ODF2L: variants seen among roughly 807,000 people sequenced by gnomAD.
ODF2L encodes outer dense fiber of sperm tails 2 like.
In ODF2L, 76 loss-of-function variants were observed where a neutral mutation model predicts 86.3. That is an observed-to-expected ratio of 0.88 (90% CI 0.73 to 1.07). The LOEUF (loss-of-function observed/expected upper bound fraction) is 1.07. Ranked by LOEUF, ODF2L falls within the 50% of genes least tolerant of loss-of-function variation. The pLI is 0.00. For synonymous variants in ODF2L, 241 were observed against 231.3 expected (o/e 1.04, Z -0.38); for missense variants, 748 against 717.4 (o/e 1.04, Z -0.49).
chr1:86,355,413 T>C (rs746392955), intron 14 of ODF2L: 25 of 1,427,322 alleles, frequency 1.8e-5, no homozygotes, highest in Admixed American at 1.6e-4. Flanking sequence ...AAGCTTTGAT[T>C]CAAGGAAAAA....
intron 1 of ODF2L, among the ~76,000 whole-genome samples, chr1:86,388,117 G>T (rs1661070311): frequency 6.6e-6 from 1 of 152,052 alleles, no homozygotes; most frequent in Non-Finnish European, 1.5e-5. Context: ...TTAAATACCA[G>T]AAAGTGAAGT....
At chr1:86,368,491 A>C in intron 11 of ODF2L, 1 of 619,594 alleles carries the variant, frequency 1.6e-6, no homozygotes, top group Non-Finnish European at 2.4e-6. Flanking sequence ...AGAAATTTAA[A>C]ACTAGCTCCT....
intron 1 of ODF2L, among the ~76,000 whole-genome samples, chr1:86,391,435 G>A (rs1477732167): frequency 6.6e-6 from 1 of 152,102 alleles, no homozygotes; most frequent in East Asian, 1.9e-4. Context: ...ATACTATAAG[G>A]CCACAGTCAC....
chr1:86,352,833 A>G (rs1052657412), intron 17 of ODF2L, 26 bp downstream of exon 16: 2 of 1,366,544 alleles, frequency 1.5e-6, no homozygotes, highest in African/African-American at 3.0e-5. Flanking sequence ...ATCTTTTATA[A>G]TATGTTAAGC....
At chr1:86,382,661 C>T (rs931743935) in intron 6 of ODF2L, among the ~76,000 whole-genome samples, 5 of 151,798 alleles carry the variant, frequency 3.3e-5, no homozygotes, top group Non-Finnish European at 1.5e-5. Flanking sequence ...TTAATTTGTT[C>T]CCCAACTGAA....
exon 18 of ODF2L, chr1:86,351,961 C>T: frequency 2.4e-6 from 3 of 1,235,332 alleles, no homozygotes; most frequent in Non-Finnish European, 3.0e-6. Context: ...CACAAAAAAA[C>T]AGCACACACA....
chr1:86,392,915 G>A (rs550099441), intron 1 of ODF2L, among the ~76,000 whole-genome samples: 1 of 152,160 alleles, frequency 6.6e-6, no homozygotes, highest in Non-Finnish European at 1.5e-5. Context: ...AGACAATTTT[G>A]CCAGTCTACT....
chr1:86,354,501 A>G (rs769589783), intron 16 of ODF2L, 29 bp downstream of exon 15: 7 of 1,472,494 alleles, frequency 4.8e-6, no homozygotes. Context: ...AAATGAATTA[A>G]AAAGTTTCTA....
chr1:86,376,673 G>A (rs551497077), intron 7 of ODF2L, among the ~76,000 whole-genome samples: 6 of 152,036 alleles, frequency 3.9e-5, no homozygotes, highest in Non-Finnish European at 1.5e-5. Flanking sequence ...TTCACATGGC[G>A]ACAGGAGACA....
At chr1:86,352,074 G>C in exon 18 of ODF2L, 1 of 1,374,558 alleles carries the variant, frequency 7.3e-7, no homozygotes, top group South Asian at 2.0e-5. Context: ...TTCTGACTAA[G>C]TTGTCATGAA....
chr1:86,364,563 C>A (rs1214785557), intron 11 of ODF2L, among the ~76,000 whole-genome samples: 1 of 152,184 alleles, frequency 6.6e-6, no homozygotes, highest in Non-Finnish European at 1.5e-5. Flanking sequence ...TCCCTAGTCT[C>A]CCTTGCAGCT....
downstream of ODF2L, chr1:86,348,065 C>T (rs1657897245): frequency 1.3e-5 from 2 of 151,974 alleles, no homozygotes; most frequent in African/African-American, 4.8e-5. Flanking sequence ...ATAATAATAT[C>T]AGATAATCAT....
chr1:86,355,357 A>G (rs1392469437), intron 14 of ODF2L: 1 of 1,539,852 alleles, frequency 6.5e-7, no homozygotes, highest in South Asian at 1.2e-5. Context: ...ATGCCAAGAC[A>G]GAATATTCTT....
At chr1:86,371,674 T>C (rs1481721980) in intron 9 of ODF2L, among the ~76,000 whole-genome samples, 1 of 152,186 alleles carries the variant, frequency 6.6e-6, no homozygotes, top group Non-Finnish European at 1.5e-5. Flanking sequence ...AATATATGTA[T>C]TTTTATTTTT....
At chr1:86,388,433 C>A (rs905530365) in intron 1 of ODF2L, among the ~76,000 whole-genome samples, 3 of 152,048 alleles carry the variant, frequency 2.0e-5, no homozygotes, top group African/African-American at 7.2e-5. Flanking sequence ...ATTTGTCTCT[C>A]TGTGGACTGG....
downstream of ODF2L, chr1:86,347,320 G>A (rs1657856060): frequency 6.6e-6 from 1 of 152,170 alleles, no homozygotes; most frequent in Non-Finnish European, 1.5e-5. Flanking sequence ...CGGCCCTTAA[G>A]GAGCTTACAG....
chr1:86,358,160 A>T, intron 13 of ODF2L: 1 of 839,442 alleles, frequency 1.2e-6, no homozygotes, highest in Non-Finnish European at 1.4e-6. Context: ...GATGGAAGCG[A>T]CCACTAACAT....
intron 11 of ODF2L, among the ~76,000 whole-genome samples, chr1:86,361,383 G>A (rs1427481541): frequency 6.6e-6 from 1 of 152,172 alleles, no homozygotes; most frequent in Admixed American, 6.5e-5. Flanking sequence ...ATTTCTTATA[G>A]CAGGCAGTGA....
At chr1:86,371,399 C>T (rs573784413) in intron 9 of ODF2L, among the ~76,000 whole-genome samples, 2 of 152,232 alleles carry the variant, frequency 1.3e-5, no homozygotes, top group African/African-American at 2.4e-5. Context: ...ATACAACATG[C>T]TCTTTGCTAT....
Sources: allele counts gnomAD v4.1 joint callset (sites outside exome capture counted in the v4.1 genomes callset), GRCh38; gene constraint gnomAD v4.1.1; transcripts MANE v1.5; gene names NCBI Gene and HGNC (gene_info 2026-07-23, HGNC 2026-07-21).